ZNF106: variants seen among roughly 807,000 people sequenced by gnomAD.
ZNF106 encodes zinc finger protein 106.
ZNF106 carries 67 observed loss-of-function variants against 195.1 expected under a neutral mutation model. The ratio of observed to expected loss-of-function variants is 0.34; its 90% CI spans 0.28 to 0.42. The LOEUF (loss-of-function observed/expected upper bound fraction) is 0.42, where lower values mean the gene tolerates loss of function less well. Among genes scored for constraint, ZNF106 ranks in the 10% least tolerant of loss-of-function variants. The probability of loss-of-function intolerance (pLI) is 1.00; values close to 1 mark genes in which losing one functional copy is unlikely to be tolerated. For synonymous variants in ZNF106, 784 were observed against 818.6 expected (o/e 0.96, Z 0.72); for missense variants, 2,118 against 2,304.5 (o/e 0.92, Z 1.66).
intron 1 of ZNF106, among the ~76,000 whole-genome samples, chr15:42,479,464 A>T (rs983468420): frequency 1.3e-5 from 2 of 152,246 alleles, no homozygotes; most frequent in African/African-American, 4.8e-5. Flanking sequence ...ACAGCCCAGC[A>T]TCTGGTTTAT....
chr15:42,448,136 C>T lies in ZNF106; in HGVS notation c.3071G>A (p.Ser1024Asn), dbSNP rs1490179520. 6.2e-7 allele frequency: 1 copy of T among 1,614,194 alleles called. No homozygotes were observed. ...SSLADAATDS[S>N]CTSGAEQNDG... ...ATTTTGTTCAGCACCAGAGGTACAGCTACTATCTGTGGCTGCATCCGCTAA... is the reference window on the plus strand; with the variant it reads ...ATTTTGTTCAGCACCAGAGGTACAGTTACTATCTGTGGCTGCATCCGCTAA... Residue 1024 changes from serine to asparagine, a missense_variant, in exon 6 of 22, where the codon AGC (serine) becomes AAC (asparagine). Transcript: ENST00000564754.
chr15:42,438,683 A>C lies in ZNF106; in HGVS notation c.4545-16T>G, dbSNP rs759934460. The C allele has an allele frequency of 6.8e-6, 11 of 1,612,400 alleles. No individual in the cohort carries two copies. Among genetic ancestry groups the C allele is most frequent in the Non-Finnish European group, 9.3e-6 (11 of 1,178,930 alleles). On this transcript the variant is annotated splice_polypyrimidine_tract_variant and intron_variant, in intron 11 of 21. Transcript: ENST00000564754. ...TTCTGCCACACTACAAAATAATAGC[A>C]AAAGTGTTCTCAGCATCTGTGTGAA... is the stretch of plus-strand genomic sequence containing the variant.
chr15:42,444,720 A>T, intron 8 of ZNF106, 107 bp downstream of exon 8: 1 of 1,438,066 alleles, frequency 7.0e-7, no homozygotes, highest in Non-Finnish European at 9.4e-7. Flanking sequence ...TCCCTTGTGG[A>T]AACTCCCCTG....
intron 2 of ZNF106, 133 bp downstream of exon 2, chr15:42,472,103 A>C (rs59414917): frequency 0.032 from 27,439 of 858,328 alleles, 1,668 homozygotes; most frequent in Admixed American, 0.18. Context: ...GAAAGAAAAG[A>C]AGCATAAATA....
chr15:42,447,118 A>C (rs940729990), intron 6 of ZNF106, among the ~76,000 whole-genome samples: 6 of 152,266 alleles, frequency 3.9e-5, no homozygotes, highest in African/African-American at 1.2e-4. Context: ...TAAGTCATCC[A>C]GTAACATCCA....
chr15:42,465,929 G>T lies in ZNF106; in HGVS notation c.116+124C>A, dbSNP rs116623617. ...ACTACACTTGGTATTAATTCTAAAA[G>T]GTTGTTCTACGCCATAAGACAACAT... On this transcript the variant is annotated intron_variant, in intron 3 of 21. Transcript: ENST00000564754. 6.5e-4 allele frequency: 448 copies of T among 689,920 alleles called. 5 individuals are homozygous for T. The African/African-American group carries it at 7.6e-3, about 12-fold the overall frequency. 42.7% of individuals were successfully genotyped at this position (689,920 alleles called of 1,614,324 possible). A position where few individuals can be genotyped will look rare whatever the true frequency, so the allele number is the denominator to read the frequency against.
At chr15:42,441,229 G>A (rs1002868906) in intron 10 of ZNF106, among the ~76,000 whole-genome samples, 1 of 149,470 alleles carries the variant, frequency 6.7e-6, no homozygotes, top group Non-Finnish European at 1.5e-5. Context: ...TGTAGTCCTA[G>A]CTCCTCTGGA....
intron 2 of ZNF106, among the ~76,000 whole-genome samples, chr15:42,469,372 A>C (rs1462821678): frequency 6.6e-6 from 1 of 152,186 alleles, no homozygotes; most frequent in Admixed American, 6.5e-5. Context: ...TGACAAAAAA[A>C]CTGATTCTTC....
chr15:42,469,106 A>T (rs1202627437), intron 2 of ZNF106, among the ~76,000 whole-genome samples: 2 of 151,830 alleles, frequency 1.3e-5, no homozygotes, highest in Non-Finnish European at 2.9e-5. Flanking sequence ...GATCACTTGA[A>T]CCCAGGAGGT....
intron 1 of ZNF106, among the ~76,000 whole-genome samples, chr15:42,486,635 G>A (rs899019114): frequency 2.0e-5 from 3 of 152,040 alleles, no homozygotes; most frequent in African/African-American, 7.3e-5. Flanking sequence ...TCTTCATTTA[G>A]AAGTTTGGTG....
At chr15:42,443,863 T>C (rs560145307) in intron 9 of ZNF106, among the ~76,000 whole-genome samples, 7 of 151,748 alleles carry the variant, frequency 4.6e-5, no homozygotes, top group African/African-American at 1.7e-4. Context: ...TCCCAGAACT[T>C]TGGGAGGCTG....
intron 20 of ZNF106, among the ~76,000 whole-genome samples, chr15:42,418,173 G>C (rs1382643031): frequency 6.6e-6 from 1 of 152,100 alleles, no homozygotes; most frequent in East Asian, 1.9e-4. Flanking sequence ...ATTTTGAGAG[G>C]GCACAGCACT....
In ZNF106 at chr15:42,448,358, GC is replaced by G; in HGVS notation, c.2848del (p.Ala950LeufsTer19). On this transcript the variant is annotated frameshift_variant, in exon 6 of 22. Transcript: ENST00000564754. LOFTEE classifies it high-confidence loss of function. Reference protein sequence around the residue: ...RAASLRTGERAENVATQRRHS... With the variant: ...RAASLRTGERXENVATQRRHS... The stretch of plus-strand genomic sequence containing the variant: ...TCGCCTTTGGGTAGCAACATTTTCA[GC>G]CCTTTCACCTGTTCGGAGGGAGGCA... 1 of 1,614,110 alleles carries G rather than the reference GC, an allele frequency of 6.2e-7. No homozygotes were observed. The highest frequency in any genetic ancestry group is 8.5e-7 in the Non-Finnish European group (1 of 1,180,030).
chr15:42,462,866 C>T (rs939465849), intron 3 of ZNF106, among the ~76,000 whole-genome samples: 3 of 152,168 alleles, frequency 2.0e-5, no homozygotes, highest in Non-Finnish European at 2.9e-5. Flanking sequence ...TCACTGCAGC[C>T]TCAAACTCCT....
intron 20 of ZNF106, among the ~76,000 whole-genome samples, chr15:42,418,307 T>C (rs2054527748): frequency 1.3e-5 from 2 of 152,042 alleles, no homozygotes; most frequent in South Asian, 4.1e-4. Flanking sequence ...GTTTCTATCT[T>C]AGTTTATTCA....
intron 11 of ZNF106, 40 bp downstream of exon 11, chr15:42,438,993 G>C: frequency 6.5e-7 from 1 of 1,537,146 alleles, no homozygotes; most frequent in Non-Finnish European, 8.7e-7. Flanking sequence ...AAATAAAGTT[G>C]GTGAAAGTTG....
At position 42,443,477 on chromosome 15, in the gene ZNF106, T is replaced by TG. The variant is rs1433280062; in HGVS notation, c.3421+724_3421+725insC. On this transcript the variant is annotated intron_variant, in intron 9 of 21. Transcript: ENST00000564754. ...GGAGATTCCATCTCTATAAAAGCAT[T>TG]TTTTAATTTTTATAACTTTTTATAA... Among the ~76,000 whole-genome samples the TG allele has an allele frequency of 1.1e-4, 17 of 152,028 alleles. No homozygotes were observed. The South Asian group carries it at 3.3e-3, about 30-fold the overall frequency.
chr15:42,442,614 C>CTTTTTTT (rs1209709879), intron 9 of ZNF106, among the ~76,000 whole-genome samples, 200 bp from the exon 10 acceptor site: 1 of 123,606 alleles, frequency 8.1e-6, no homozygotes, highest in Non-Finnish European at 1.7e-5. Flanking sequence ...CATCAACATT[C>CTTTTTTT]TTTTTTTTTT....
At chr15:42,456,825 G>T in intron 4 of ZNF106, 133 bp downstream of exon 4, 1 of 817,250 alleles carries the variant, frequency 1.2e-6, no homozygotes, top group Non-Finnish European at 1.9e-6. Context: ...CCTTTGATTA[G>T]TAAGACAACA....
Sources: allele counts gnomAD v4.1 joint callset (sites outside exome capture counted in the v4.1 genomes callset), GRCh38; gene constraint gnomAD v4.1.1; transcripts MANE v1.5; gene names NCBI Gene and HGNC (gene_info 2026-07-23, HGNC 2026-07-21).